Variants in ZNF678 observed in about 807,000 individuals in gnomAD.
The protein encoded by ZNF678 is zinc finger protein 678.
A neutral mutation model predicts 3.0 loss-of-function variants in ZNF678; 5 were observed. The observed-to-expected ratio is 1.69, with a 90% confidence interval of 0.88 to 3.56. The LOEUF (loss-of-function observed/expected upper bound fraction) is 3.56, where lower values mean the gene tolerates loss of function less well. Among genes scored for constraint, ZNF678 ranks in the 30% most tolerant of loss-of-function variants. The pLI, the probability that ZNF678 is intolerant of heterozygous loss-of-function variation, is 0.00. For missense variants in ZNF678, 593 were observed against 605.0 expected (o/e 0.98, Z 0.21); for synonymous variants, 218 against 199.6 (o/e 1.09, Z -0.78).
chr1:227,635,645 C>T (rs1039385180), intron 1 of ZNF678, among the ~76,000 whole-genome samples: 2 of 151,430 alleles, frequency 1.3e-5, no homozygotes, highest in African/African-American at 2.4e-5. Context: ...GAGGACGGGG[C>T]AAAGGTTTTA....
intron 1 of ZNF678, among the ~76,000 whole-genome samples, chr1:227,585,215 T>G (rs928743700): frequency 4.6e-5 from 7 of 152,192 alleles, no homozygotes; most frequent in Non-Finnish European, 4.4e-5. Flanking sequence ...ATCTGTTATG[T>G]TAAACATGGG....
intron 1 of ZNF678, among the ~76,000 whole-genome samples, chr1:227,634,393 C>T (rs73094558): frequency 0.011 from 1,635 of 152,246 alleles, 31 homozygotes; most frequent in African/African-American, 0.038. Flanking sequence ...AGCTTGGCCA[C>T]AGGGAGGTAT....
chr1:227,622,291 C>T (rs777745494), intron 1 of ZNF678, among the ~76,000 whole-genome samples: 20 of 152,314 alleles, frequency 1.3e-4, no homozygotes, highest in Middle Eastern at 3.4e-3. Flanking sequence ...CAACAATTGC[C>T]AATACAAAGT....
At chr1:227,578,981 C>T (rs1260246723) in intron 1 of ZNF678, among the ~76,000 whole-genome samples, 1 of 152,094 alleles carries the variant, frequency 6.6e-6, no homozygotes, top group East Asian at 1.9e-4. Flanking sequence ...GTGGATTCAG[C>T]CAACTGGTTT....
chr1:227,603,716 T>C (rs150411908), intron 1 of ZNF678, among the ~76,000 whole-genome samples: 1 of 152,274 alleles, frequency 6.6e-6, no homozygotes, highest in African/African-American at 2.4e-5. Flanking sequence ...GTGCTCCAGG[T>C]CTGTTGACAA....
chr1:227,596,163 G>A (rs1056664762), intron 1 of ZNF678, among the ~76,000 whole-genome samples: 4 of 152,208 alleles, frequency 2.6e-5, no homozygotes, highest in African/African-American at 9.6e-5. Flanking sequence ...TGCTTGGGCT[G>A]GTTGGAGTCC....
chr1:227,576,225 C>T (rs1214341469), intron 1 of ZNF678, among the ~76,000 whole-genome samples: 1 of 152,134 alleles, frequency 6.6e-6, no homozygotes, highest in Admixed American at 6.5e-5. Flanking sequence ...TTTGTTCTGC[C>T]TCTGCCAGGT....
intron 1 of ZNF678, among the ~76,000 whole-genome samples, chr1:227,574,940 GTTT>G (rs1022536533): frequency 2.1e-5 from 3 of 142,860 alleles, no homozygotes; most frequent in African/African-American, 8.2e-5. Context: ...TGCTTATGGG[GTTT>G]TTTGTTGTTG....
At chr1:227,598,899 C>T (rs533174626) in intron 1 of ZNF678, 66 of 701,628 alleles carry the variant, frequency 9.4e-5, no homozygotes, top group African/African-American at 9.3e-4. Flanking sequence ...GATGAGCTCT[C>T]ACTTCCACTT....
chr1:227,563,737 G>T lies in ZNF678; in HGVS notation c.-164+13G>T. 7.6e-7 allele frequency: 1 copy of T among 1,318,022 alleles called. No individual in the cohort carries two copies. The highest frequency in any genetic ancestry group is 1.0e-6 in the Non-Finnish European group (1 of 995,550). 81.6% of individuals were successfully genotyped at this position (1,318,022 alleles called of 1,614,324 possible). Reference sequence around the variant, plus strand: ...AAGCCGGAAAACGGTGAGAGTTCCCGGGAGGGTGTTCCAAGATGGCGGTCC... The same window carrying T: ...AAGCCGGAAAACGGTGAGAGTTCCCTGGAGGGTGTTCCAAGATGGCGGTCC... On this transcript the variant is annotated intron_variant, in intron 1 of 3. Coordinates refer to ENST00000343776, the MANE Select transcript of ZNF678 (RefSeq NM_001367909.1).
intron 1 of ZNF678, among the ~76,000 whole-genome samples, chr1:227,592,834 A>G (rs1479069015): frequency 1.3e-5 from 2 of 152,356 alleles, no homozygotes; most frequent in East Asian, 1.9e-4. Context: ...CAAATGGACT[A>G]AAGCACAAGT....
rs139936316 is a variant in ZNF678 at position 227,633,276 on chromosome 1, C to T, written c.-163-13268C>T. On this transcript the variant is annotated intron_variant, in intron 1 of 3. Transcript: ENST00000343776. ...GAGTGAAAACAGAGCTCCCATACAACGGGAGAAGACCCAAAGTGGGTTGCC... is the reference window on the plus strand; with the variant it reads ...GAGTGAAAACAGAGCTCCCATACAATGGGAGAAGACCCAAAGTGGGTTGCC... Among the ~76,000 whole-genome samples, 24 of 152,300 alleles carry T rather than the reference C, an allele frequency of 1.6e-4. No homozygotes were observed. In the South Asian group the frequency reaches 3.5e-3, roughly 22 times the overall value.
chr1:227,656,069 A>AT lies in ZNF678; in HGVS notation c.*245dup, dbSNP rs1214540715. On this transcript the variant is annotated 3_prime_UTR_variant, in exon 4 of 4. Transcript: ENST00000343776. ...TTCAGACTTTATTCAACTTTAGAGG[A>AT]TTTTACGGGGGCAAAAAACCTCCTA... is the stretch of plus-strand genomic sequence containing the variant. The AT allele has an allele frequency of 6.1e-6, 2 of 325,666 alleles. No homozygotes were observed. Among genetic ancestry groups the AT allele is most frequent in the African/African-American group, 4.3e-5 (2 of 46,880 alleles). The allele number at this position is 325,666 out of a possible 1,614,324, so 20.2% of individuals were successfully genotyped here.
chr1:227,636,437 G>A (rs1489454686), intron 1 of ZNF678, among the ~76,000 whole-genome samples: 4 of 152,058 alleles, frequency 2.6e-5, no homozygotes, highest in East Asian at 1.9e-4. Flanking sequence ...GTTTTGTTGC[G>A]CCGAGCATTT....
Position 227,662,332 on chromosome 1 carries a change from C to T in ZNF678, c.*6504C>T, listed in dbSNP as rs1659429665. 6.6e-6 allele frequency: 1 copy of T among 152,092 alleles called. No individual in the cohort carries two copies. The highest frequency in any genetic ancestry group is 1.5e-5 in the Non-Finnish European group (1 of 68,034). The allele number at this position is 152,092 out of a possible 1,614,324, so 9.4% of individuals were successfully genotyped here. ...GCAGAGTGAGAGTGGTATGAATTTTCCTGTAAGCTACCTGAAGTTCTGTTT... is the reference window on the plus strand; with the variant it reads ...GCAGAGTGAGAGTGGTATGAATTTTTCTGTAAGCTACCTGAAGTTCTGTTT... On this transcript the variant is annotated 3_prime_UTR_variant, in exon 4 of 4. Transcript: ENST00000343776.
intron 1 of ZNF678, among the ~76,000 whole-genome samples, chr1:227,602,360 A>G (rs905600390): frequency 1.3e-5 from 2 of 152,222 alleles, no homozygotes; most frequent in African/African-American, 2.4e-5. Flanking sequence ...AGTTGTATGC[A>G]TTAAAAATTT....
intron 1 of ZNF678, among the ~76,000 whole-genome samples, chr1:227,606,734 A>G (rs892852236): frequency 2.0e-5 from 3 of 152,118 alleles, no homozygotes; most frequent in African/African-American, 7.2e-5. Context: ...GGCTTTCTGC[A>G]GTGCATCGTG....
In ZNF678 at chr1:227,579,239, G is replaced by A. The variant is rs114215112; in HGVS notation, c.-164+15515G>A. Among the ~76,000 whole-genome samples, 955 of 152,216 alleles carry A rather than the reference G, an allele frequency of 6.3e-3. 11 individuals carry two copies. Among genetic ancestry groups the A allele is most frequent in the African/African-American group, 0.022 (900 of 41,526 alleles). The stretch of plus-strand genomic sequence containing the variant: ...CAATACAGCTGGGGTTAGGAGTGGT[G>A]GGAGTCCCTGTTGCAGAGTGTGTGT... On this transcript the variant is annotated intron_variant, in intron 1 of 3. Transcript: ENST00000343776.
intron 1 of ZNF678, among the ~76,000 whole-genome samples, chr1:227,583,375 A>G (rs10799425): frequency 0.98 from 137,062 of 139,606 alleles, 67,335 homozygotes; most frequent in Middle Eastern, 1. Flanking sequence ...TTTTTGAGAC[A>G]GAGTCTTGCC....
Sources: gnomAD v4.1 joint callset for allele counts (sites outside exome capture counted in the v4.1 genomes callset) on GRCh38, gnomAD v4.1.1 for gene constraint, MANE v1.5 for transcripts, NCBI Gene and HGNC (gene_info 2026-07-23, HGNC 2026-07-21) for gene names.